Variants in SYT1 observed in about 807,000 individuals in gnomAD.
SYT1 encodes synaptotagmin-1.
SYT1 carries 8 observed loss-of-function variants against 44.8 expected under a neutral mutation model. The ratio of observed to expected loss-of-function variants is 0.18; its 90% confidence interval spans 0.10 to 0.32. The LOEUF (loss-of-function observed/expected upper bound fraction) is 0.32. SYT1 is among the 10% of genes least tolerant of loss of function. The pLI is 1.00. For synonymous variants in SYT1, 154 were observed against 188.8 expected (o/e 0.82, Z 1.51); for missense variants, 286 against 509.3 (o/e 0.56, Z 4.22).
chr12:79,291,867 T>C (rs1454108822), intron 5 of SYT1, 141 bp from the exon 6 acceptor site: 12 of 1,036,650 alleles, frequency 1.2e-5, no homozygotes, highest in South Asian at 3.9e-5. Context: ...AAGCAGCAAA[T>C]GTGAATGTGT....
chr12:79,043,681 G>C (rs1014816065), intron 2 of SYT1, among the ~76,000 whole-genome samples: 3 of 152,180 alleles, frequency 2.0e-5, no homozygotes, highest in Non-Finnish European at 4.4e-5. Flanking sequence ...GATGTTAGCT[G>C]GTTCTTTTGC....
intron 3 of SYT1, among the ~76,000 whole-genome samples, chr12:79,138,753 CT>C (rs139382105): frequency 3.9e-5 from 6 of 152,174 alleles, no homozygotes; most frequent in Non-Finnish European, 8.8e-5. Context: ...CTTTTTTTCC[CT>C]TTTTGTATAT....
intron 4 of SYT1, among the ~76,000 whole-genome samples, chr12:79,268,844 T>C (rs904684758): frequency 6.6e-6 from 1 of 152,126 alleles, no homozygotes; most frequent in African/African-American, 2.4e-5. Context: ...TAAGTCTGTA[T>C]CATATTGAAA....
chr12:79,029,475 C>T (rs1872714939), intron 2 of SYT1, among the ~76,000 whole-genome samples: 1 of 150,854 alleles, frequency 6.6e-6, no homozygotes, highest in African/African-American at 2.4e-5. Flanking sequence ...TAAAATAAAA[C>T]GTGAAGCCAA....
At chr12:79,205,898 C>T (rs1357218809) in intron 3 of SYT1, among the ~76,000 whole-genome samples, 2 of 151,744 alleles carry the variant, frequency 1.3e-5, no homozygotes, top group Non-Finnish European at 2.9e-5. Context: ...TTAAGTTTTC[C>T]CTTTCCAATA....
At chr12:79,125,621 AAAAAAAAG>A (rs754828411) in intron 3 of SYT1, among the ~76,000 whole-genome samples, 16,491 of 150,396 alleles carry the variant, frequency 0.11, 941 homozygotes, top group African/African-American at 0.13. Context: ...CCCTGTCAAA[AAAAAAAAG>A]AAAAAAAGAA....
At chr12:78,976,839 A>AT (rs1868875015) in intron 1 of SYT1, among the ~76,000 whole-genome samples, 2 of 152,172 alleles carry the variant, frequency 1.3e-5, no homozygotes, top group Non-Finnish European at 2.9e-5. Flanking sequence ...TCAATTCTTA[A>AT]TTGGTCTACA....
chr12:79,377,955 A>T (rs1884067947), intron 9 of SYT1, among the ~76,000 whole-genome samples: 1 of 152,238 alleles, frequency 6.6e-6, no homozygotes, highest in Non-Finnish European at 1.5e-5. Flanking sequence ...GCCATGGAAT[A>T]GTCCCTTTTT....
chr12:79,382,976 T>C (rs1263592262), intron 9 of SYT1, among the ~76,000 whole-genome samples: 1 of 152,226 alleles, frequency 6.6e-6, no homozygotes, highest in East Asian at 1.9e-4. Flanking sequence ...CCATGTCTTC[T>C]ATGAATGCTC....
intron 8 of SYT1, among the ~76,000 whole-genome samples, chr12:79,351,431 A>G (rs1404194019): frequency 1.3e-5 from 2 of 152,096 alleles, no homozygotes; most frequent in Admixed American, 6.6e-5. Flanking sequence ...TTTAAGAGAG[A>G]GCAGTCATGT....
rs1873694550 is a variant in SYT1 at position 79,200,143 on chromosome 12, CA to C, written c.-17-17358del. Among the ~76,000 whole-genome samples the C allele has an allele frequency of 2.0e-5, 3 of 152,102 alleles. No individual in the cohort carries two copies. In the South Asian group the frequency reaches 6.2e-4, roughly 32 times the overall value. On this transcript the variant is annotated intron_variant, in intron 3 of 10. Coordinates refer to ENST00000261205, the MANE Select transcript of SYT1 (RefSeq NM_005639.3). ...GTGAAGGACATAAAATTCTGTGCAACAAGAAAGTACCTTAACAAATCAGAAA... is the reference window on the plus strand; with the variant it reads ...GTGAAGGACATAAAATTCTGTGCAACAGAAAGTACCTTAACAAATCAGAAA...
At chr12:79,066,924 T>C (rs1199873040) in intron 3 of SYT1, among the ~76,000 whole-genome samples, 1 of 152,190 alleles carries the variant, frequency 6.6e-6, no homozygotes, top group East Asian at 1.9e-4. Flanking sequence ...TTCATATGTC[T>C]CTGAGACCTG....
intron 3 of SYT1, among the ~76,000 whole-genome samples, chr12:79,070,566 A>G (rs1250884976): frequency 2.0e-5 from 3 of 151,894 alleles, no homozygotes; most frequent in Non-Finnish European, 4.4e-5. Context: ...CCTATTTCCA[A>G]CACCAATTTT....
intron 1 of SYT1, among the ~76,000 whole-genome samples, chr12:78,889,871 A>G (rs1293693575): frequency 6.6e-6 from 1 of 151,964 alleles, no homozygotes; most frequent in East Asian, 1.9e-4. Context: ...TATATAATTA[A>G]TAAAGACACT....
intron 3 of SYT1, among the ~76,000 whole-genome samples, chr12:79,055,447 A>G (rs1874859537): frequency 6.6e-6 from 1 of 152,070 alleles, no homozygotes; most frequent in African/African-American, 2.4e-5. Context: ...TTTAAATCAA[A>G]TGATTTAGCT....
chr12:79,053,606 C>T (rs889290260), intron 3 of SYT1, among the ~76,000 whole-genome samples: 1 of 148,382 alleles, frequency 6.7e-6, no homozygotes, highest in Admixed American at 6.8e-5. Context: ...ATAATATTGA[C>T]AATTATTTAA....
chr12:79,021,925 C>A (rs1188075067), intron 2 of SYT1, among the ~76,000 whole-genome samples: 1 of 151,352 alleles, frequency 6.6e-6, no homozygotes. Flanking sequence ...ATCTTCAAAT[C>A]TATTATTTTT....
At chr12:79,130,208 A>AT (rs1405033249) in intron 3 of SYT1, among the ~76,000 whole-genome samples, 4 of 152,310 alleles carry the variant, frequency 2.6e-5, no homozygotes, top group Admixed American at 2.6e-4. Flanking sequence ...TAACTGAGTG[A>AT]TTATATATGT....
At chr12:79,257,884 C>T (rs1877617965) in intron 4 of SYT1, among the ~76,000 whole-genome samples, 2 of 152,000 alleles carry the variant, frequency 1.3e-5, no homozygotes, top group Admixed American at 6.6e-5. Flanking sequence ...ATGGCCTTGG[C>T]GGTGAAAATT....
Sources: gnomAD v4.1 joint callset for allele counts (sites outside exome capture counted in the v4.1 genomes callset) on GRCh38, gnomAD v4.1.1 for gene constraint, MANE v1.5 for transcripts, NCBI Gene and HGNC (gene_info 2026-07-23, HGNC 2026-07-21) for gene names.